The following PCLO variants were observed in gnomAD, a reference collection of about 807,000 sequenced individuals.
The protein encoded by PCLO is piccolo presynaptic cytomatrix protein, also known as protein piccolo.
A neutral mutation model predicts 427.5 loss-of-function variants in PCLO; 82 were observed. The observed-to-expected ratio is 0.19, with a 90% CI of 0.16 to 0.23. The LOEUF is 0.23. PCLO is among the 10% of genes least tolerant of loss of function. The pLI is 1.00. For synonymous variants in PCLO, 2,357 were observed against 2,155.4 expected (o/e 1.09, Z -2.59); for missense variants, 6,239 against 6,115.9 (o/e 1.02, Z -0.67).
chr7:82,977,150 G>A (rs1472230127), intron 3 of PCLO, among the ~76,000 whole-genome samples: 4 of 151,960 alleles, frequency 2.6e-5, no homozygotes, highest in Non-Finnish European at 5.9e-5. Context: ...ACATTGGTTT[G>A]ACACACCCAG....
At chr7:83,041,217 A>G (rs1366288346) in intron 3 of PCLO, among the ~76,000 whole-genome samples, 1 of 152,148 alleles carries the variant, frequency 6.6e-6, no homozygotes, top group Non-Finnish European at 1.5e-5. Flanking sequence ...TTATGAGGCA[A>G]TATGAATTAT....
intron 8 of PCLO, among the ~76,000 whole-genome samples, chr7:82,907,678 T>A (rs893301137): frequency 6.6e-6 from 1 of 151,880 alleles, no homozygotes; most frequent in African/African-American, 2.4e-5. Context: ...GAGGGAAATA[T>A]ATGCCTAAAC....
At chr7:83,004,530 C>T (rs570682017) in intron 3 of PCLO, among the ~76,000 whole-genome samples, 1 of 151,662 alleles carries the variant, frequency 6.6e-6, no homozygotes, top group East Asian at 1.9e-4. Context: ...GGATTAAAGA[C>T]TTAAACATAA....
chr7:82,983,829 G>A (rs947681223), intron 3 of PCLO, among the ~76,000 whole-genome samples: 8 of 151,868 alleles, frequency 5.3e-5, no homozygotes, highest in Non-Finnish European at 1.2e-4. Context: ...CTGTGTGAAA[G>A]TCAGGATAAT....
At chr7:82,802,749 C>T (rs1195557786) in intron 21 of PCLO, among the ~76,000 whole-genome samples, 2 of 152,200 alleles carry the variant, frequency 1.3e-5, no homozygotes, top group Admixed American at 6.5e-5. Flanking sequence ...GCTAGACCTG[C>T]TGAAAATGTA....
In PCLO at chr7:83,076,692, A is replaced by G. The variant is rs377708487; in HGVS notation, c.3300+57558T>C. ...TTTAGGGTACATGTGCACAATGTGC[A>G]TGTTAGTTACATATTTTCCTTTGGC... On this transcript the variant is annotated intron_variant, in intron 3 of 24. Coordinates refer to ENST00000333891, the MANE Select transcript of PCLO (RefSeq NM_033026.6). Among the ~76,000 whole-genome samples the G allele has an allele frequency of 3.4e-5, 5 of 145,644 alleles. No homozygotes were observed. The East Asian group carries it at 1.0e-3, about 29-fold the overall frequency.
At chr7:82,829,367 G>A (rs1357561657) in intron 16 of PCLO, among the ~76,000 whole-genome samples, 1 of 152,138 alleles carries the variant, frequency 6.6e-6, no homozygotes, top group Non-Finnish European at 1.5e-5. Flanking sequence ...CTGGGATGAG[G>A]CTTGAGTATT....
intron 3 of PCLO, among the ~76,000 whole-genome samples, chr7:83,131,186 A>G (rs909892195): frequency 6.6e-5 from 10 of 152,174 alleles, no homozygotes; most frequent in African/African-American, 2.4e-4. Context: ...GACTTGGCAG[A>G]AATTAAAGCC....
intron 3 of PCLO, among the ~76,000 whole-genome samples, chr7:83,028,705 C>G (rs1197755207): frequency 6.6e-6 from 1 of 151,482 alleles, no homozygotes; most frequent in Non-Finnish European, 1.5e-5. Flanking sequence ...TGACTTCAAA[C>G]TATACCACAA....
intron 4 of PCLO, among the ~76,000 whole-genome samples, chr7:82,962,545 A>T (rs73707186): frequency 0.026 from 3,912 of 152,142 alleles, 173 homozygotes; most frequent in African/African-American, 0.09. Flanking sequence ...TTACATACTC[A>T]GTTCATAATA....
At chr7:82,811,000 C>T (rs1487943734) in intron 20 of PCLO, among the ~76,000 whole-genome samples, 1 of 151,662 alleles carries the variant, frequency 6.6e-6, no homozygotes, top group Non-Finnish European at 1.5e-5. Context: ...AAATAGGTTG[C>T]TGTCTATGAT....
At position 82,902,667 on chromosome 7, in the gene PCLO, C is replaced by T. The variant is rs1414617173; in HGVS notation, c.13512G>A (p.Lys4504=). ...HARIKITRDS[K]DHTVSGNGLG... is the part of the protein sequence containing the mutation. ...TTGCTTTACCTGAAACTGTGTGATC[C>T]TTTGAGTCTCTTGTTATTTTTATCC... Residue 4504 remains lysine (K), a synonymous_variant, in exon 9 of 25, where the codon AAG becomes AAA. Coordinates refer to ENST00000333891, the MANE Select transcript of PCLO (RefSeq NM_033026.6). The T allele has an allele frequency of 6.3e-7, 1 of 1,585,668 alleles. No individual in the cohort carries two copies.
intron 3 of PCLO, among the ~76,000 whole-genome samples, chr7:83,007,567 T>A (rs1434645524): frequency 1.3e-5 from 2 of 151,646 alleles, no homozygotes; most frequent in Non-Finnish European, 3.0e-5. Flanking sequence ...TAGCAATTTT[T>A]AAAAATTACG....
intron 10 of PCLO, among the ~76,000 whole-genome samples, chr7:82,848,332 A>ATTTTTT (rs977004495): frequency 1.7e-5 from 2 of 120,240 alleles, no homozygotes; most frequent in East Asian, 2.9e-4. Flanking sequence ...TTTTTTTTTA[A>ATTTTTT]ACAGGTCCCA....
intron 19 of PCLO, among the ~76,000 whole-genome samples, chr7:82,823,796 T>A (rs1791858744): frequency 6.6e-6 from 1 of 152,190 alleles, no homozygotes. Context: ...CAAAATTATA[T>A]TTATTGGGTA....
intron 7 of PCLO, among the ~76,000 whole-genome samples, chr7:82,910,603 T>C (rs1562851707): frequency 6.6e-6 from 1 of 152,140 alleles, no homozygotes; most frequent in African/African-American, 2.4e-5. Context: ...GCACAAGGCA[T>C]AGCATCCAAT....
chr7:83,134,283 G>C lies in PCLO; in HGVS notation c.3267C>G (p.Leu1089=). The C allele has an allele frequency of 1.3e-6, 2 of 1,558,486 alleles. No homozygotes were observed. Among genetic ancestry groups the C allele is most frequent in the Non-Finnish European group, 1.7e-6 (2 of 1,150,234 alleles). Residue 1089 remains leucine (L), a synonymous_variant, in exon 3 of 25, where the codon CTC becomes CTG. Transcript: ENST00000333891. Reference sequence around the variant, plus strand: ...AATGTGGTGTAGGGTTAAATCCACAGAGATTACACACTTGATTCTTGCATT... The same window carrying C: ...AATGTGGTGTAGGGTTAAATCCACACAGATTACACACTTGATTCTTGCATT... ...CTECKNQVCN[L]CGFNPTPHLT...
At position 82,966,130 on chromosome 7, in the gene PCLO, G is replaced by T. The variant is rs753991263; in HGVS notation, c.3658C>A (p.Leu1220Ile). ...CGTATCTTTTCTTCTTCAGGGATTA[G>T]TTTTTTTTCTTCAGGGAGTGGCTTT... ...EKKPLPEEKK[L>I]IPEEEKIRSE... Residue 1220 changes from leucine to isoleucine, a missense_variant, in exon 4 of 25, where the codon CTA becomes ATA. Leu to Ile is a conservative substitution (Grantham distance 5). Transcript: ENST00000333891. 2.5e-5 allele frequency: 40 copies of T among 1,602,176 alleles called. No homozygotes were observed. In the South Asian group the frequency reaches 4.3e-4, roughly 17 times the overall value.
At chr7:82,793,330 C>T (rs533860877) in intron 22 of PCLO, among the ~76,000 whole-genome samples, 4 of 152,272 alleles carry the variant, frequency 2.6e-5, no homozygotes, top group African/African-American at 9.6e-5. Context: ...GGCCGACGCT[C>T]AGGTGAAGAT....
Sources: gnomAD v4.1 joint callset for allele counts (sites outside exome capture counted in the v4.1 genomes callset) on GRCh38, gnomAD v4.1.1 for gene constraint, MANE v1.5 for transcripts, NCBI Gene and HGNC (gene_info 2026-07-23, HGNC 2026-07-21) for gene names.